Variants in ERBB4 observed in about 807,000 individuals in gnomAD.
ERBB4 encodes the protein erb-b2 receptor tyrosine kinase 4, also known as receptor tyrosine-protein kinase erbB-4.
In ERBB4, 42 loss-of-function variants were observed where a neutral mutation model predicts 158.0. That is an observed-to-expected ratio of 0.27 (90% CI 0.21 to 0.34). The LOEUF (loss-of-function observed/expected upper bound fraction) is 0.34. Among genes scored for constraint, ERBB4 ranks in the 10% least tolerant of loss-of-function variants. ERBB4 has a pLI of 1.00. For synonymous variants in ERBB4, 583 were observed against 558.7 expected (o/e 1.04, Z -0.61); for missense variants, 1,333 against 1,624.1 (o/e 0.82, Z 3.08).
chr2:211,957,319 T>C (rs1341089369), intron 2 of ERBB4, among the ~76,000 whole-genome samples: 2 of 151,920 alleles, frequency 1.3e-5, no homozygotes, highest in Admixed American at 6.6e-5. Flanking sequence ...AAAAAGACCA[T>C]GAGAAAACAC....
At chr2:211,409,433 T>G (rs1484954770) in intron 25 of ERBB4, among the ~76,000 whole-genome samples, 1 of 152,182 alleles carries the variant, frequency 6.6e-6, no homozygotes, top group African/African-American at 2.4e-5. Flanking sequence ...GTTTGAGAAT[T>G]TTGAAACATT....
At chr2:211,832,305 A>AG (rs1319162240) in intron 3 of ERBB4, among the ~76,000 whole-genome samples, 6 of 152,162 alleles carry the variant, frequency 3.9e-5, no homozygotes, top group Admixed American at 3.9e-4. Context: ...CCTTACTGAG[A>AG]ATAATTTTTT....
chr2:211,644,011 T>C (rs750161600), intron 16 of ERBB4, among the ~76,000 whole-genome samples: 3 of 152,010 alleles, frequency 2.0e-5, no homozygotes, highest in Admixed American at 6.6e-5. Flanking sequence ...CATTAGCATT[T>C]AATTTGGCAA....
Position 211,702,092 on chromosome 2 carries a change from G to C in ERBB4, c.1364C>G (p.Ala455Gly), listed in dbSNP as rs1292474603. 6.2e-7 allele frequency: 1 copy of C among 1,614,066 alleles called. No homozygotes were observed. The highest frequency in any genetic ancestry group is 8.5e-7 in the Non-Finnish European group (1 of 1,179,966). Reference sequence around the variant, plus strand: ...GTTGTCAGTAATATAGATGTTTCCTGCGCTGATTTCCTTCAGGGACTGGAA... The same window carrying C: ...GTTGTCAGTAATATAGATGTTTCCTCCGCTGATTTCCTTCAGGGACTGGAA... ...LQFQSLKEIS[A>G]GNIYITDNSN... Residue 455 changes from alanine to glycine, a missense_variant, in exon 12 of 28, where the codon GCA becomes GGA. This residue lies in a region of ERBB4 where 438 missense variants were observed against 586.9 expected (regional missense o/e 0.75). Coordinates refer to ENST00000342788, the MANE Select transcript of ERBB4 (RefSeq NM_005235.3).
At chr2:212,295,842 C>T (rs6725066) in intron 1 of ERBB4, among the ~76,000 whole-genome samples, 112,385 of 151,958 alleles carry the variant, frequency 0.74, 45,860 homozygotes, top group Non-Finnish European at 0.9. Flanking sequence ...TGCATGTTTC[C>T]AATCAGAATA....
intron 20 of ERBB4, among the ~76,000 whole-genome samples, chr2:211,488,371 A>T (rs1205456223): frequency 6.6e-6 from 1 of 152,014 alleles, no homozygotes; most frequent in Non-Finnish European, 1.5e-5. Context: ...TGTATTCCTC[A>T]TTTCATTAGA....
At chr2:211,673,537 A>T (rs145573488) in intron 13 of ERBB4, among the ~76,000 whole-genome samples, 9 of 150,950 alleles carry the variant, frequency 6.0e-5, no homozygotes, top group Non-Finnish European at 1.2e-4. Context: ...AAAAGCTACA[A>T]AGTATAACTC....
intron 3 of ERBB4, among the ~76,000 whole-genome samples, chr2:211,921,403 A>C (rs1274905057): frequency 1.3e-5 from 2 of 151,968 alleles, no homozygotes; most frequent in African/African-American, 4.8e-5. Context: ...TTGTTTTTTG[A>C]GCTTAAAAAA....
At chr2:212,530,053 T>C (rs190968478) in intron 1 of ERBB4, among the ~76,000 whole-genome samples, 28 of 152,144 alleles carry the variant, frequency 1.8e-4, no homozygotes, top group African/African-American at 5.5e-4. Flanking sequence ...ACAAGAGGGA[T>C]CCATGAAAAG....
At chr2:211,459,745 A>C (rs2064480882) in intron 20 of ERBB4, among the ~76,000 whole-genome samples, 1 of 152,122 alleles carries the variant, frequency 6.6e-6, no homozygotes, top group Non-Finnish European at 1.5e-5. Context: ...CTTTTTCTTT[A>C]TAAATTACCC....
intron 20 of ERBB4, among the ~76,000 whole-genome samples, chr2:211,504,386 T>G (rs1219565771): frequency 1.3e-5 from 2 of 150,804 alleles, no homozygotes; most frequent in South Asian, 4.2e-4. Context: ...TAATAGTACA[T>G]AGAAGCAAAG....
At chr2:211,607,791 AT>A (rs2069039752) in intron 19 of ERBB4, among the ~76,000 whole-genome samples, 1 of 151,934 alleles carries the variant, frequency 6.6e-6, no homozygotes, top group Non-Finnish European at 1.5e-5. Context: ...TATAGATTGT[AT>A]GATAATCACT....
At chr2:212,390,977 C>T (rs2090837181) in intron 1 of ERBB4, among the ~76,000 whole-genome samples, 1 of 151,778 alleles carries the variant, frequency 6.6e-6, no homozygotes, top group South Asian at 2.1e-4. Context: ...CATGTAGACA[C>T]ATTTAGCTCT....
chr2:212,501,676 T>G (rs1489625599), intron 1 of ERBB4, among the ~76,000 whole-genome samples: 1 of 152,194 alleles, frequency 6.6e-6, no homozygotes, highest in African/African-American at 2.4e-5. Context: ...ATCACTCTGC[T>G]ACCTACCATT....
intron 3 of ERBB4, among the ~76,000 whole-genome samples, chr2:211,794,792 C>G (rs1249509010): frequency 6.6e-6 from 1 of 151,834 alleles, no homozygotes; most frequent in Non-Finnish European, 1.5e-5. Flanking sequence ...CTCAAATTGT[C>G]TTATTATATA....
chr2:211,511,704 C>G (rs962947651), intron 20 of ERBB4, among the ~76,000 whole-genome samples: 2 of 151,832 alleles, frequency 1.3e-5, no homozygotes, highest in African/African-American at 4.8e-5. Context: ...AAAAAAGAAT[C>G]CTTTCTAGAG....
At chr2:212,155,040 T>C (rs1278211310) in intron 1 of ERBB4, among the ~76,000 whole-genome samples, 1 of 152,164 alleles carries the variant, frequency 6.6e-6, no homozygotes, top group African/African-American at 2.4e-5. Flanking sequence ...GGTGCCGCAA[T>C]TCAAATGTAC....
intron 20 of ERBB4, among the ~76,000 whole-genome samples, chr2:211,431,946 T>G (rs1354150909): frequency 6.6e-6 from 1 of 152,162 alleles, no homozygotes; most frequent in Non-Finnish European, 1.5e-5. Flanking sequence ...AGAGGAGTAA[T>G]AATTACTTTA....
chr2:212,468,878 C>T (rs1688976388), intron 1 of ERBB4, among the ~76,000 whole-genome samples: 1 of 152,172 alleles, frequency 6.6e-6, no homozygotes, highest in African/African-American at 2.4e-5. Context: ...AAGTTATCTG[C>T]CACATTACCA....
Sources: allele counts gnomAD v4.1 joint callset (sites outside exome capture counted in the v4.1 genomes callset), GRCh38; gene constraint gnomAD v4.1.1; regional missense constraint gnomAD v4.1.1; transcripts MANE v1.5; gene names NCBI Gene and HGNC (gene_info 2026-07-23, HGNC 2026-07-21).